Variants in ATAD5 observed in about 807,000 individuals in gnomAD.
The protein encoded by ATAD5 is ATPase family AAA domain-containing protein 5.
ATAD5 carries 58 observed loss-of-function variants against 176.9 expected under a neutral mutation model. That is an observed-to-expected ratio of 0.33 (90% confidence interval 0.27 to 0.41). The LOEUF (loss-of-function observed/expected upper bound fraction) is 0.41, where lower values mean the gene tolerates loss of function less well. Among genes scored for constraint, ATAD5 ranks in the 10% least tolerant of loss-of-function variants. The pLI is 1.00. For missense variants in ATAD5, 1,789 were observed against 2,094.1 expected (o/e 0.85, Z 2.84); for synonymous variants, 640 against 712.6 (o/e 0.90, Z 1.62).
chr17:30,868,509 ATTT>A (rs745465090), intron 12 of ATAD5, 97 bp downstream of exon 12: 160 of 485,930 alleles, frequency 3.3e-4, no homozygotes, highest in South Asian at 6.4e-4. Flanking sequence ...TTTTTTTTTA[ATTT>A]TTTTTTTTTT....
intron 6 of ATAD5, among the ~76,000 whole-genome samples, chr17:30,850,611 T>TGG (rs932074072): frequency 1.8e-4 from 28 of 151,508 alleles, no homozygotes; most frequent in African/African-American, 6.0e-4. Flanking sequence ...AGTGAGAACA[T>TGG]GGGGTATTTA....
chr17:30,878,728 T>TTG (rs1384229964), intron 17 of ATAD5, among the ~76,000 whole-genome samples: 75 of 95,876 alleles, frequency 7.8e-4, no homozygotes, highest in African/African-American at 2.9e-3. Context: ...GTTTTTTTTT[T>TTG]TTTTTTTTTT....
At chr17:30,843,033 C>T (rs946579392) in intron 4 of ATAD5, among the ~76,000 whole-genome samples, 5 of 151,774 alleles carry the variant, frequency 3.3e-5, no homozygotes, top group African/African-American at 9.7e-5. Context: ...CGTGAACCAC[C>T]GTCCGGCATT....
At chr17:30,842,035 C>T (rs1342455069) in intron 4 of ATAD5, among the ~76,000 whole-genome samples, 2 of 152,128 alleles carry the variant, frequency 1.3e-5, no homozygotes, top group African/African-American at 4.8e-5. Context: ...CTTTGAGAGG[C>T]TGAGGCGGGA....
At chr17:30,862,944 A>G (rs1907728483) in intron 10 of ATAD5, 1 of 151,906 alleles carries the variant, frequency 6.6e-6, no homozygotes, top group African/African-American at 2.4e-5. Flanking sequence ...TAATCCCAGC[A>G]CTTTGAGAGG....
At chr17:30,849,766 C>T (rs540914522) in intron 6 of ATAD5, among the ~76,000 whole-genome samples, 11 of 152,196 alleles carry the variant, frequency 7.2e-5, no homozygotes, top group African/African-American at 2.4e-4. Flanking sequence ...AGTTTGATGA[C>T]GTCCAGTTTA....
At chr17:30,857,420 T>C (rs1475093475) in intron 8 of ATAD5, among the ~76,000 whole-genome samples, 2 of 152,028 alleles carry the variant, frequency 1.3e-5, no homozygotes, top group Non-Finnish European at 2.9e-5. Context: ...TTCTCCATGT[T>C]GGTCAGGCTG....
intron 18 of ATAD5, among the ~76,000 whole-genome samples, chr17:30,886,390 T>G (rs940187964): frequency 2.0e-5 from 3 of 149,944 alleles, no homozygotes; most frequent in African/African-American, 7.3e-5. Context: ...ATTTATTTAT[T>G]TATTTATTTA....
At chr17:30,892,896 T>A in intron 20 of ATAD5, 108 bp downstream of exon 20, 1 of 997,740 alleles carries the variant, frequency 1.0e-6, no homozygotes, top group Non-Finnish European at 1.4e-6. Flanking sequence ...GTGCCTATAA[T>A]TTGTATAAGC....
intron 6 of ATAD5, among the ~76,000 whole-genome samples, chr17:30,845,719 C>T (rs1427719676): frequency 6.6e-6 from 1 of 152,030 alleles, no homozygotes; most frequent in Non-Finnish European, 1.5e-5. Context: ...TTTAATTGGC[C>T]TGCTGGATAA....
chr17:30,858,167 A>G lies in ATAD5; in HGVS notation c.2800A>G (p.Arg934Gly). The G allele has an allele frequency of 1.3e-6, 2 of 1,546,670 alleles. No individual in the cohort carries two copies. The highest frequency in any genetic ancestry group is 1.4e-5 in the African/African-American group (1 of 71,784). ...KSGNSAAVFM[R>G]TRKEFTEEVR... ...ATTTTATTCTTTATTGCAGTTCATGAGGACAAGGAAGGAATTTACTGAAGA... is the reference window on the plus strand; with the variant it reads ...ATTTTATTCTTTATTGCAGTTCATGGGGACAAGGAAGGAATTTACTGAAGA... Residue 934 changes from arginine to glycine, a missense_variant, in exon 9 of 23, where the codon AGG becomes GGG. Transcript: ENST00000321990.
chr17:30,890,097 C>T (rs1388384153), intron 19 of ATAD5, among the ~76,000 whole-genome samples: 1 of 151,772 alleles, frequency 6.6e-6, no homozygotes, highest in Non-Finnish European at 1.5e-5. Context: ...CTATGTTGCC[C>T]AGCCTGGTAT....
In ATAD5 at chr17:30,879,506, T is replaced by C; in HGVS notation, c.4077+19T>C. On this transcript the variant is annotated intron_variant, in intron 18 of 22. Transcript: ENST00000321990. ...TTCCCTGGTAAGTTTTAAATTTTGA[T>C]AGCCACAAATTACATATCACCATCA... 1 of 1,577,296 alleles carries C rather than the reference T, an allele frequency of 6.3e-7. No homozygotes were observed.
At chr17:30,842,555 A>T (rs1315059873) in intron 4 of ATAD5, among the ~76,000 whole-genome samples, 1 of 152,112 alleles carries the variant, frequency 6.6e-6, no homozygotes, top group Non-Finnish European at 1.5e-5. Context: ...TGCTTCACAT[A>T]TGGTAAGTGC....
intron 1 of ATAD5, among the ~76,000 whole-genome samples, chr17:30,833,901 C>G (rs1255508794): frequency 6.6e-6 from 1 of 152,056 alleles, no homozygotes; most frequent in Non-Finnish European, 1.5e-5. Context: ...AGGCTGGTCT[C>G]GAATTCCTGA....
At chr17:30,844,216 C>T (rs1053218198) in intron 5 of ATAD5, among the ~76,000 whole-genome samples, 177 bp downstream of exon 5, 10 of 152,122 alleles carry the variant, frequency 6.6e-5, no homozygotes, top group Non-Finnish European at 1.5e-4. Context: ...ACTGCAGCCT[C>T]CACCTCCTAA....
intron 3 of ATAD5, among the ~76,000 whole-genome samples, chr17:30,839,953 C>CT (rs1033997303): frequency 4.6e-5 from 7 of 151,898 alleles, no homozygotes; most frequent in African/African-American, 1.7e-4. Flanking sequence ...AATCCCAGCA[C>CT]TTTGGGAGGC....
In ATAD5 at chr17:30,877,508, C is replaced by G; in HGVS notation, c.3877C>G (p.Pro1293Ala). Residue 1293 changes from proline (P) to alanine (A), a missense_variant, in exon 16 of 23, where the codon CCC (proline) becomes GCC (alanine). Coordinates refer to ENST00000321990, the MANE Select transcript of ATAD5 (RefSeq NM_024857.5). ...SNVKDVGAEE[P>A]SRKNATSLIL... ...TGTCAAAGACGTTGGAGCTGAAGAA[C>G]CCAGCAGAAAAAATGCAACATCTCT... 6.2e-7 allele frequency: 1 copy of G among 1,611,296 alleles called. No homozygotes were observed. The highest frequency in any genetic ancestry group is 8.5e-7 in the Non-Finnish European group (1 of 1,178,976).
chr17:30,847,327 TAGAGAG>T (rs891308590), intron 6 of ATAD5, among the ~76,000 whole-genome samples: 5 of 150,462 alleles, frequency 3.3e-5, no homozygotes, highest in South Asian at 2.1e-4. Context: ...TATATATATA[TAGAGAG>T]AGAGAGAGAG....
Sources: allele counts gnomAD v4.1 joint callset (sites outside exome capture counted in the v4.1 genomes callset), GRCh38; gene constraint gnomAD v4.1.1; transcripts MANE v1.5; gene names NCBI Gene and HGNC (gene_info 2026-07-23, HGNC 2026-07-21).